DNAH12: variants seen among roughly 807,000 people sequenced by gnomAD.
DNAH12 encodes axonemal beta dynein heavy chain 12.
In DNAH12, 285 loss-of-function variants were observed where a neutral mutation model predicts 371.5. That is an observed-to-expected ratio of 0.77 (90% confidence interval 0.70 to 0.85). DNAH12 has a LOEUF of 0.85. DNAH12 is among the 40% of genes least tolerant of loss of function. The probability of loss-of-function intolerance (pLI) is 0.00; values close to 1 mark genes in which losing one functional copy is unlikely to be tolerated. For synonymous variants in DNAH12, 1,200 were observed against 1,213.0 expected, an observed-to-expected ratio of 0.99 and a Z score of 0.22; for missense variants, 3,611 against 3,689.4, an observed-to-expected ratio of 0.98 and a Z score of 0.55.
intron 2 of DNAH12, among the ~76,000 whole-genome samples, chr3:57,528,132 G>A (rs11706713): frequency 0.12 from 18,275 of 151,858 alleles, 1,303 homozygotes; most frequent in South Asian, 0.21. Flanking sequence ...GGGTTCAAGC[G>A]ATTCTCCTGC....
intron 39 of DNAH12, among the ~76,000 whole-genome samples, chr3:57,408,799 A>G (rs2064118631): frequency 6.6e-6 from 1 of 152,056 alleles, no homozygotes; most frequent in Non-Finnish European, 1.5e-5. Context: ...ACTCTTCCTT[A>G]CAGTTTGACT....
intron 30 of DNAH12, among the ~76,000 whole-genome samples, chr3:57,436,460 T>G (rs1263961375): frequency 6.6e-6 from 1 of 152,206 alleles, no homozygotes; most frequent in Non-Finnish European, 1.5e-5. Context: ...TGTCTTCTAT[T>G]CTTCAGTTTC....
intron 13 of DNAH12, among the ~76,000 whole-genome samples, chr3:57,475,627 T>C (rs564881306): frequency 2.6e-5 from 4 of 152,140 alleles, no homozygotes; most frequent in Non-Finnish European, 5.9e-5. Context: ...AAAAAATAAA[T>C]GAGCAAAATG....
intron 43 of DNAH12, among the ~76,000 whole-genome samples, chr3:57,399,525 A>T (rs1281601373): frequency 7.2e-5 from 11 of 152,352 alleles, no homozygotes; most frequent in Middle Eastern, 6.8e-3. Context: ...AGCTATACTA[A>T]TATCAGACAA....
At chr3:57,369,234 T>A (rs897598131) in intron 55 of DNAH12, among the ~76,000 whole-genome samples, 28,200 of 139,748 alleles carry the variant, frequency 0.2, 3,114 homozygotes, top group East Asian at 0.35. Context: ...AAAAAATATA[T>A]ATATATATAT....
At chr3:57,344,421 C>A (rs2062488041) in intron 60 of DNAH12, among the ~76,000 whole-genome samples, 1 of 152,130 alleles carries the variant, frequency 6.6e-6, no homozygotes, top group Non-Finnish European at 1.5e-5. Context: ...CTGTATGATC[C>A]AGTGATCCCA....
intron 70 of DNAH12, chr3:57,297,314 T>C (rs1292754905): frequency 3.7e-6 from 1 of 273,002 alleles, no homozygotes; most frequent in Non-Finnish European, 7.0e-6. Flanking sequence ...TCTTACACAT[T>C]GTCTAATTAT....
chr3:57,488,881 A>G (rs1000130881), intron 12 of DNAH12, among the ~76,000 whole-genome samples: 3 of 152,106 alleles, frequency 2.0e-5, no homozygotes, highest in Non-Finnish European at 4.4e-5. Flanking sequence ...CATTTACCAC[A>G]GCAGGCCCGA....
intron 2 of DNAH12, among the ~76,000 whole-genome samples, chr3:57,533,492 T>C (rs1335000860): frequency 6.6e-6 from 1 of 151,184 alleles, no homozygotes; most frequent in African/African-American, 2.4e-5. Flanking sequence ...AGAGTCTCAC[T>C]CAAGGCCCAC....
chr3:57,448,342 G>A (rs140376063), intron 25 of DNAH12, among the ~76,000 whole-genome samples: 5 of 152,126 alleles, frequency 3.3e-5, no homozygotes, highest in East Asian at 1.9e-4. Context: ...CAGCACGTCT[G>A]GACTTGTTCA....
intron 4 of DNAH12, among the ~76,000 whole-genome samples, chr3:57,523,040 T>C (rs144809097): frequency 6.6e-6 from 1 of 152,180 alleles, no homozygotes; most frequent in African/African-American, 2.4e-5. Flanking sequence ...ATGAAAATAT[T>C]TACGTAATTA....
chr3:57,493,332 T>C (rs2067196469), intron 11 of DNAH12, among the ~76,000 whole-genome samples: 1 of 152,174 alleles, frequency 6.6e-6, no homozygotes, highest in South Asian at 2.1e-4. Context: ...GTATAACTCT[T>C]TATATAGCAT....
chr3:57,543,603 G>A (rs2069397906), intron 1 of DNAH12, among the ~76,000 whole-genome samples: 1 of 150,968 alleles, frequency 6.6e-6, no homozygotes, highest in Non-Finnish European at 1.5e-5. Context: ...TTACAGGCGT[G>A]AGCCACCGCC....
rs1375014810 is a variant in DNAH12, at chr3:57,394,286, A to G, written c.6995T>C (p.Leu2332Pro). 1 of 152,266 alleles carries G rather than the reference A, an allele frequency of 6.6e-6. No individual in the cohort carries two copies. Among genetic ancestry groups the G allele is most frequent in the Non-Finnish European group, 1.5e-5 (1 of 68,076 alleles). The allele number at this position is 152,266 out of a possible 1,614,324, so 9.4% of individuals were successfully genotyped here. Residue 2332 changes from leucine to proline, a missense_variant, in exon 44 of 74, where the codon CTT becomes CCT. This residue lies in a region of DNAH12 where 2,266 missense variants were observed against 2,236.9 expected (regional missense o/e 1.01). Transcript: ENST00000495027. ...VGMKGQKTVF[L>P]ITDTQIKEEA... The stretch of plus-strand genomic sequence containing the variant: ...CTCTTTAATCTGAGTGTCCGTGATA[A>G]GAAAGACGGTCTTCTGGCCCTTCAT...
intron 39 of DNAH12, 53 bp from the exon 40 acceptor site, chr3:57,408,588 T>C: frequency 7.0e-7 from 1 of 1,422,730 alleles, no homozygotes; most frequent in Admixed American, 3.1e-5. Context: ...GACATTAAGA[T>C]GGGATGAAAT....
intron 60 of DNAH12, among the ~76,000 whole-genome samples, chr3:57,337,057 G>T (rs2062240479): frequency 6.6e-6 from 1 of 152,102 alleles, no homozygotes; most frequent in Non-Finnish European, 1.5e-5. Context: ...GATGAAAAGA[G>T]ATATTCCACA....
intron 2 of DNAH12, among the ~76,000 whole-genome samples, chr3:57,540,263 T>A (rs2069221955): frequency 6.6e-6 from 1 of 151,660 alleles, no homozygotes; most frequent in Non-Finnish European, 1.5e-5. Flanking sequence ...GTTGGTCAGG[T>A]TGGCCTCGTA....
At chr3:57,515,637 A>T (rs1308571140) in intron 4 of DNAH12, among the ~76,000 whole-genome samples, 3 of 151,942 alleles carry the variant, frequency 2.0e-5, no homozygotes, top group Non-Finnish European at 4.4e-5. Context: ...TAATAATAAT[A>T]ATACATTATA....
chr3:57,469,122 T>C, intron 16 of DNAH12, 143 bp from the exon 17 acceptor site: 1 of 717,172 alleles, frequency 1.4e-6, no homozygotes. Context: ...GGCACACAGG[T>C]AGAGCTGATG....
Sources: allele counts gnomAD v4.1 joint callset (sites outside exome capture counted in the v4.1 genomes callset), GRCh38; gene constraint gnomAD v4.1.1; regional missense constraint gnomAD v4.1.1; transcripts MANE v1.5; gene names NCBI Gene and HGNC (gene_info 2026-07-23, HGNC 2026-07-21).